USP34: variants seen among roughly 807,000 people sequenced by gnomAD.
USP34 encodes ubiquitin carboxyl-terminal hydrolase 34.
USP34 carries 70 observed loss-of-function variants against 460.3 expected under a neutral mutation model. The ratio of observed to expected loss-of-function variants is 0.15; its 90% CI spans 0.13 to 0.19. USP34 has a LOEUF of 0.19. Ranked by LOEUF, USP34 falls within the 10% of genes least tolerant of loss-of-function variation. USP34 has a pLI of 1.00. For synonymous variants in USP34, 1,647 were observed against 1,405.3 expected (o/e 1.17, Z -3.85); for missense variants, 3,985 against 4,236.2 (o/e 0.94, Z 1.65).
chr2:61,453,004 T>C (rs1695330331), intron 1 of USP34, among the ~76,000 whole-genome samples: 1 of 151,904 alleles, frequency 6.6e-6, no homozygotes. Flanking sequence ...ATACAGATTC[T>C]TAAAAATAGA....
At chr2:61,340,858 CTT>C (rs5831606) in intron 16 of USP34, among the ~76,000 whole-genome samples, 9,166 of 124,670 alleles carry the variant, frequency 0.074, 411 homozygotes, top group South Asian at 0.26. Context: ...TGTGGCTTGT[CTT>C]TTTTTTTTTT....
chr2:61,399,542 A>G (rs1420792730), intron 3 of USP34, among the ~76,000 whole-genome samples: 1 of 152,014 alleles, frequency 6.6e-6, no homozygotes, highest in Admixed American at 6.6e-5. Flanking sequence ...GGTTAAAAAA[A>G]ACACTAAGAA....
At chr2:61,264,331 A>C (rs915642883) in intron 43 of USP34, among the ~76,000 whole-genome samples, 2 of 152,206 alleles carry the variant, frequency 1.3e-5, no homozygotes, top group Non-Finnish European at 2.9e-5. Flanking sequence ...AAAAGAAATC[A>C]AGACAAAAGA....
At chr2:61,345,386 T>A (rs1691737397) in intron 15 of USP34, among the ~76,000 whole-genome samples, 3 of 152,048 alleles carry the variant, frequency 2.0e-5, no homozygotes, top group Non-Finnish European at 1.5e-5. Flanking sequence ...AATAAAGAAG[T>A]AATATGTATA....
intron 1 of USP34, among the ~76,000 whole-genome samples, chr2:61,456,540 G>T (rs1158212454): frequency 6.6e-6 from 1 of 152,106 alleles, no homozygotes; most frequent in Non-Finnish European, 1.5e-5. Flanking sequence ...AGTAGTGCTG[G>T]GCACAGTGGC....
At chr2:61,469,133 G>C (rs1385056374) in intron 1 of USP34, among the ~76,000 whole-genome samples, 1 of 152,064 alleles carries the variant, frequency 6.6e-6, no homozygotes, top group Non-Finnish European at 1.5e-5. Context: ...CTTGAACCTG[G>C]GAGGCAGAGT....
chr2:61,367,309 C>T (rs549323283), intron 10 of USP34, among the ~76,000 whole-genome samples: 7 of 151,230 alleles, frequency 4.6e-5, no homozygotes, highest in South Asian at 2.1e-4. Flanking sequence ...CGAGTGCGCG[C>T]GCACACACAC....
At chr2:61,371,854 A>T (rs1465762581) in intron 8 of USP34, among the ~76,000 whole-genome samples, 6 of 152,132 alleles carry the variant, frequency 3.9e-5, no homozygotes, top group Non-Finnish European at 8.8e-5. Flanking sequence ...CTACAGTTAG[A>T]TATGTTTAGA....
At chr2:61,380,126 A>T in intron 7 of USP34, 43 bp downstream of exon 7, 3 of 1,569,566 alleles carry the variant, frequency 1.9e-6, no homozygotes, top group Non-Finnish European at 8.7e-7. Flanking sequence ...ATAGACCAGA[A>T]AACAAATAAA....
chr2:61,225,978 T>A (rs1271540184), intron 62 of USP34, among the ~76,000 whole-genome samples: 2 of 152,168 alleles, frequency 1.3e-5, no homozygotes, highest in Admixed American at 1.3e-4. Flanking sequence ...TTTTTACAGA[T>A]GGATCTTGCT....
intron 18 of USP34, among the ~76,000 whole-genome samples, chr2:61,338,300 G>A (rs527441767): frequency 6.6e-4 from 101 of 152,286 alleles, no homozygotes; most frequent in Non-Finnish European, 1.2e-3. Flanking sequence ...CAGCCTGGGC[G>A]ATGGAGCAAG....
intron 75 of USP34, chr2:61,194,289 T>C (rs1288077728): frequency 1.0e-6 from 1 of 985,418 alleles, no homozygotes; most frequent in Non-Finnish European, 1.2e-6. Context: ...TGGTTGGTGT[T>C]TGGCAGCATA....
At chr2:61,421,595 A>G (rs1199269387) in intron 1 of USP34, among the ~76,000 whole-genome samples, 1 of 152,186 alleles carries the variant, frequency 6.6e-6, no homozygotes, top group Non-Finnish European at 1.5e-5. Flanking sequence ...GAGGCTTATC[A>G]GCTTTCTTAC....
intron 40 of USP34, 43 bp from the exon 41 acceptor site, chr2:61,278,328 ATAATTATGTCTTT>A: frequency 6.2e-7 from 1 of 1,609,942 alleles, no homozygotes; most frequent in Non-Finnish European, 8.5e-7. Flanking sequence ...GATAGTTCAC[ATAATTATGTCTTT>A]TATCTTTCCT....
In USP34 at chr2:61,350,398, A is replaced by G; in HGVS notation, c.1378-9T>C. 1.3e-6 allele frequency: 2 copies of G among 1,599,982 alleles called. No individual in the cohort carries two copies. The highest frequency in any genetic ancestry group is 1.7e-6 in the Non-Finnish European group (2 of 1,175,012). On this transcript the variant is annotated splice_polypyrimidine_tract_variant and intron_variant, in intron 11 of 79. Coordinates refer to ENST00000398571, the MANE Select transcript of USP34 (RefSeq NM_014709.4). ...GATGCCAAGTACAGTGTCTAAAAAAAAGAGGGAGAGATTTCAGTTTGAGAA... is the reference window on the plus strand; with the variant it reads ...GATGCCAAGTACAGTGTCTAAAAAAGAGAGGGAGAGATTTCAGTTTGAGAA...
chr2:61,189,262 T>G (rs996098485), intron 78 of USP34, 193 bp from the exon 79 acceptor site: 3 of 542,850 alleles, frequency 5.5e-6, no homozygotes, highest in African/African-American at 4.0e-5. Context: ...ATTAGTTGTT[T>G]TTTTTTTTTG....
chr2:61,349,934 T>C (rs1307769731), intron 12 of USP34, among the ~76,000 whole-genome samples: 4 of 151,870 alleles, frequency 2.6e-5, no homozygotes, highest in Non-Finnish European at 4.4e-5. Flanking sequence ...ACAAGATAAC[T>C]GAATCATTAT....
chr2:61,468,965 T>C (rs547733350), intron 1 of USP34, among the ~76,000 whole-genome samples: 1 of 152,164 alleles, frequency 6.6e-6, no homozygotes, highest in Non-Finnish European at 1.5e-5. Flanking sequence ...TCCCAGCACT[T>C]TGGGAGGCCG....
At chr2:61,189,298 G>A in intron 78 of USP34, 1 of 430,556 alleles carries the variant, frequency 2.3e-6, no homozygotes, top group Non-Finnish European at 4.0e-6. Context: ...TTTTGAGATG[G>A]AGTCTTGTTC....
Sources: gnomAD v4.1 joint callset for allele counts (sites outside exome capture counted in the v4.1 genomes callset) on GRCh38, gnomAD v4.1.1 for gene constraint, MANE v1.5 for transcripts, NCBI Gene and HGNC (gene_info 2026-07-23, HGNC 2026-07-21) for gene names.